Variants in PPP4R1 observed in about 807,000 individuals in gnomAD.
PPP4R1 encodes serine/threonine-protein phosphatase 4 regulatory subunit 1.
In PPP4R1, 42 loss-of-function variants were observed where a neutral mutation model predicts 111.2. That is an observed-to-expected ratio of 0.38 (90% confidence interval 0.29 to 0.49). The LOEUF (loss-of-function observed/expected upper bound fraction) is 0.49, where lower values mean the gene tolerates loss of function less well. PPP4R1 is among the 20% of genes least tolerant of loss of function. The pLI is 0.97. For synonymous variants in PPP4R1, 409 were observed against 405.5 expected, an observed-to-expected ratio of 1.01 and a Z score of -0.10; for missense variants, 1,012 against 1,161.6, an observed-to-expected ratio of 0.87 and a Z score of 1.87.
chr18:9,593,926 T>G (rs758434863), intron 3 of PPP4R1, 52 bp from the exon 4 acceptor site: 4 of 1,436,960 alleles, frequency 2.8e-6, no homozygotes, highest in Non-Finnish European at 9.7e-7. Context: ...ATAGCTAATA[T>G]CCAGAATTTT....
Position 9,588,165 on chromosome 18 carries a change from T to C in PPP4R1, c.509A>G (p.Glu170Gly). 6.2e-7 allele frequency: 1 copy of C among 1,614,194 alleles called. No homozygotes were observed. The highest frequency in any genetic ancestry group is 8.5e-7 in the Non-Finnish European group (1 of 1,180,018). ...TATGAGGACAGGGCACACTTTGGTC[T>C]CCACATCAAATCGTTCAATGAGCTC... ...EQELIERFDVETKVCPVLIEL... is the reference protein window; with the variant it reads ...EQELIERFDVGTKVCPVLIEL... Residue 170 changes from glutamate to glycine, a missense_variant, in exon 6 of 20, where the codon GAG becomes GGG. Glu to Gly is a moderately conservative substitution (Grantham distance 98, BLOSUM62 -2). Coordinates refer to ENST00000400556, the MANE Select transcript of PPP4R1 (RefSeq NM_001042388.3).
chr18:9,549,491 T>G (rs1322903407), intron 18 of PPP4R1, among the ~76,000 whole-genome samples, 153 bp from the exon 19 acceptor site: 1 of 152,186 alleles, frequency 6.6e-6, no homozygotes, highest in East Asian at 1.9e-4. Flanking sequence ...AAATCAAAAA[T>G]TACATAATTA....
intron 12 of PPP4R1, among the ~76,000 whole-genome samples, chr18:9,562,368 A>G (rs2066692281): frequency 6.6e-6 from 1 of 152,176 alleles, no homozygotes; most frequent in Non-Finnish European, 1.5e-5. Context: ...TATTTATGAA[A>G]TAGTACTGAG....
Position 9,614,436 on chromosome 18 carries a change from C to A in PPP4R1, c.7+42G>T. 1 of 1,014,388 alleles carries A rather than the reference C, an allele frequency of 9.9e-7. No homozygotes were observed. Among genetic ancestry groups the A allele is most frequent in the Non-Finnish European group, 1.2e-6 (1 of 851,020 alleles). The allele number at this position is 1,014,388 out of a possible 1,614,324, so 62.8% of individuals were successfully genotyped here. ...AGGGCTGCGGCGGAGGGCGGGTGGG[C>A]TCGAGGAGCCGCCGCCGCCCGGAGA... On this transcript the variant is annotated intron_variant, in intron 1 of 19. Coordinates refer to ENST00000400556, the MANE Select transcript of PPP4R1 (RefSeq NM_001042388.3). This position sits in a 1 kb window ranked among gnomAD's most constrained non-coding sequence, Gnocchi z 4.1.
In PPP4R1 at chr18:9,598,337, A is replaced by G. The variant is rs374120802; in HGVS notation, c.53-3184T>C. ...AGATTCAAGGGGTTCAATGAAACCC[A>G]TGAGCAAGAAACATGAAGAAAAGTA... On this transcript the variant is annotated intron_variant, in intron 2 of 19. Transcript: ENST00000400556. Among the ~76,000 whole-genome samples the G allele has an allele frequency of 7.9e-5, 12 of 152,354 alleles. No individual in the cohort carries two copies. In the South Asian group the frequency reaches 1.0e-3, roughly 13 times the overall value.
chr18:9,583,013 AAT>A (rs1465465179), intron 9 of PPP4R1, 102 bp downstream of exon 9: 29 of 1,049,838 alleles, frequency 2.8e-5, no homozygotes, highest in Non-Finnish European at 2.2e-5. Flanking sequence ...TATAAAAAAT[AAT>A]ATATCTTAAA....
chr18:9,592,382 C>G lies in PPP4R1; in HGVS notation c.295+1386G>C, dbSNP rs60902767. 8.2e-3 allele frequency among the ~76,000 whole-genome samples: 1,251 copies of G among 152,242 alleles called. 19 individuals carry two copies. Among genetic ancestry groups the G allele is most frequent in the African/African-American group, 0.028 (1,181 of 41,506 alleles). ...CCCTCCTGGGTATGCCCTTTTCCCT[C>G]TCTATACCTCATCTATCAAATCCAA... On this transcript the variant is annotated intron_variant, in intron 4 of 19. Coordinates refer to ENST00000400556, the MANE Select transcript of PPP4R1 (RefSeq NM_001042388.3).
At chr18:9,564,577 C>A (rs553649962) in intron 11 of PPP4R1, among the ~76,000 whole-genome samples, 2 of 152,146 alleles carry the variant, frequency 1.3e-5, no homozygotes, top group African/African-American at 2.4e-5. Flanking sequence ...TTTTCACCAA[C>A]CCTTTTAATC....
At chr18:9,580,411 G>A (rs1027131201) in intron 9 of PPP4R1, among the ~76,000 whole-genome samples, 3 of 150,976 alleles carry the variant, frequency 2.0e-5, no homozygotes, top group Non-Finnish European at 2.9e-5. Context: ...GTGCAATGGC[G>A]CGATCTCGGC....
chr18:9,577,161 G>T lies in PPP4R1; in HGVS notation c.949C>A (p.Pro317Thr). 1 of 1,607,820 alleles carries T rather than the reference G, an allele frequency of 6.2e-7. No homozygotes were observed. The highest frequency in any genetic ancestry group is 2.2e-5 in the East Asian group (1 of 44,770). Residue 317 changes from proline to threonine, a missense_variant, in exon 10 of 20, where the codon CCT becomes ACT. Physicochemically the swap from Pro to Thr is conservative, Grantham distance 38. Transcript: ENST00000400556. ...GGATTAGCAAAAGTAGATATGAAAG[G>T]TCCCAGAGACTGAAAAGCTGCTTGG... ...VRQAAFQSLGPFISTFANPSS... is the reference protein window; with the variant it reads ...VRQAAFQSLGTFISTFANPSS...
intron 3 of PPP4R1, 73 bp downstream of exon 3, chr18:9,594,945 C>T: frequency 6.5e-7 from 1 of 1,532,504 alleles, no homozygotes; most frequent in African/African-American, 1.4e-5. Context: ...AAAGTGGATA[C>T]TTTCATTTTC....
chr18:9,596,364 C>A (rs1468801807), intron 2 of PPP4R1, among the ~76,000 whole-genome samples: 1 of 152,170 alleles, frequency 6.6e-6, no homozygotes, highest in Admixed American at 6.5e-5. Context: ...CCTGGCACTT[C>A]CTATTCTATC....
chr18:9,566,648 GACACACACACACACACACACACACAC>G (rs56772611), intron 11 of PPP4R1, among the ~76,000 whole-genome samples: 7 of 144,230 alleles, frequency 4.9e-5, no homozygotes, highest in East Asian at 4.1e-4. Flanking sequence ...GAGGCGCTGT[GACACACACACACACACACACACACAC>G]ACACACACAC....
chr18:9,584,554 A>G lies in PPP4R1; in HGVS notation c.720T>C (p.Ile240=). 6.2e-7 allele frequency: 1 copy of G among 1,613,444 alleles called. No individual in the cohort carries two copies. Among genetic ancestry groups the G allele is most frequent in the Non-Finnish European group, 8.5e-7 (1 of 1,179,706 alleles). The change falls in exon 8 of 20, where the codon ATT becomes ATC. Residue 240 remains isoleucine, a synonymous_variant. Coordinates refer to ENST00000400556, the MANE Select transcript of PPP4R1 (RefSeq NM_001042388.3). ...TAGCTTGCTGGCCAACTACACTGCA[A>G]ATATCTCCAAAATTGGCAGCACAGA... ...RKVCAANFGD[I]CSVVGQQATE...
upstream of PPP4R1, chr18:9,614,597 C>G (rs1352863784): frequency 3.1e-6 from 2 of 648,450 alleles, no homozygotes; most frequent in African/African-American, 4.1e-5. The surrounding 1 kb of genome is among the most constrained non-coding windows in gnomAD (Gnocchi z 4.1). Context: ...GGAGGAGGGC[C>G]GGGCTGGCGG....
intron 8 of PPP4R1, among the ~76,000 whole-genome samples, chr18:9,584,221 T>A (rs1329220224): frequency 6.6e-6 from 1 of 152,212 alleles, no homozygotes; most frequent in Non-Finnish European, 1.5e-5. Flanking sequence ...TCTTGAGGGT[T>A]GCAATAAAAT....
At chr18:9,552,803 T>C (rs559458031) in intron 16 of PPP4R1, among the ~76,000 whole-genome samples, 119 of 152,294 alleles carry the variant, frequency 7.8e-4, no homozygotes, top group Middle Eastern at 3.4e-3. Flanking sequence ...ATCCATACAA[T>C]GGAATATTAC....
At chr18:9,585,415 A>C (rs1469055415) in intron 6 of PPP4R1, among the ~76,000 whole-genome samples, 2 of 152,218 alleles carry the variant, frequency 1.3e-5, no homozygotes, top group African/African-American at 4.8e-5. Context: ...TTAACACAAT[A>C]GGAGGCAAAG....
chr18:9,596,588 A>G (rs1173826092), intron 2 of PPP4R1, among the ~76,000 whole-genome samples: 1 of 147,010 alleles, frequency 6.8e-6, no homozygotes, highest in Non-Finnish European at 1.5e-5. Flanking sequence ...ATCACTCACA[A>G]TGAGATTTTG....
Sources: allele counts gnomAD v4.1 joint callset (sites outside exome capture counted in the v4.1 genomes callset), GRCh38; gene constraint gnomAD v4.1.1; non-coding constraint Gnocchi (gnomAD v3.1); transcripts MANE v1.5; gene names NCBI Gene and HGNC (gene_info 2026-07-23, HGNC 2026-07-21).